Variants in RICTOR observed in about 807,000 individuals in gnomAD.
RICTOR encodes RPTOR independent companion of MTOR complex 2.
RICTOR carries 49 observed loss-of-function variants against 214.9 expected under a neutral mutation model. That is an observed-to-expected ratio of 0.23 (90% CI 0.18 to 0.29). The LOEUF is 0.29. RICTOR is among the 10% of genes least tolerant of loss of function. The pLI is 1.00. For missense variants in RICTOR, 1,625 were observed against 2,047.0 expected, an observed-to-expected ratio of 0.79 and a Z score of 3.98; for synonymous variants, 717 against 711.3, an observed-to-expected ratio of 1.01 and a Z score of -0.13.
At chr5:39,003,431 G>A in intron 4 of RICTOR, 127 bp downstream of exon 4, 1 of 595,264 alleles carries the variant, frequency 1.7e-6, no homozygotes, top group Non-Finnish European at 2.9e-6. Context: ...TTTTTCTAAT[G>A]TTCAAGCAAC....
chr5:38,949,740 T>C lies in RICTOR; in HGVS notation c.4108A>G (p.Ser1370Gly), dbSNP rs1256771868. The change falls in exon 31 of 38, where the codon AGT becomes GGT. Residue 1370 changes from serine to glycine, a missense_variant. Ser to Gly is a moderately conservative substitution (Grantham distance 56). Transcript: ENST00000357387. ...FTDTITMKAN[S>G]FESRLTPSRF... Reference sequence around the variant, plus strand: ...CTTGGTGTTAATCTGGACTCAAAACTGTTGGCCTTCATGGTGATGGTATCA... The same window carrying C: ...CTTGGTGTTAATCTGGACTCAAAACCGTTGGCCTTCATGGTGATGGTATCA... 2 of 1,613,166 alleles carry C rather than the reference T, an allele frequency of 1.2e-6. No homozygotes were observed. The highest frequency in any genetic ancestry group is 3.3e-5 in the Admixed American group (2 of 59,914).
intron 2 of RICTOR, among the ~76,000 whole-genome samples, chr5:39,038,122 T>C (rs1020582217): frequency 3.3e-5 from 5 of 152,156 alleles, no homozygotes; most frequent in Admixed American, 2.0e-4. Context: ...TTATCCACCA[T>C]GATCAAGTGG....
At chr5:38,987,379 T>G (rs1057021918) in intron 7 of RICTOR, among the ~76,000 whole-genome samples, 3 of 152,196 alleles carry the variant, frequency 2.0e-5, no homozygotes, top group Non-Finnish European at 4.4e-5. Flanking sequence ...GGTAGACTAT[T>G]AATTACTGCC....
At chr5:38,982,439 C>T (rs1561490152) in intron 7 of RICTOR, among the ~76,000 whole-genome samples, 1 of 152,130 alleles carries the variant, frequency 6.6e-6, no homozygotes, top group African/African-American at 2.4e-5. Flanking sequence ...ATAGAACACA[C>T]AGTTTAATAA....
At chr5:39,069,014 A>G (rs6893899) in intron 2 of RICTOR, among the ~76,000 whole-genome samples, 3,500 of 152,330 alleles carry the variant, frequency 0.023, 137 homozygotes, top group African/African-American at 0.08. Context: ...AACAGAGACA[A>G]TAAGTGTAGC....
Position 38,962,535 on chromosome 5 carries a change from G to A in RICTOR, c.1618C>T (p.His540Tyr), listed in dbSNP as rs753508286. The A allele has an allele frequency of 6.3e-7, 1 of 1,586,110 alleles. No individual in the cohort carries two copies. The highest frequency in any genetic ancestry group is 1.2e-5 in the South Asian group (1 of 86,158). ...CAATTCCATTCAAGATTCTCTTTATGTTGAAGGACTTGGCTATCTCTAAGG... is the reference window on the plus strand; with the variant it reads ...CAATTCCATTCAAGATTCTCTTTATATTGAAGGACTTGGCTATCTCTAAGG... ...INLRDSQVLQ[H>Y]KENLEWNWNL... The change falls in exon 18 of 38, where the codon CAT (histidine) becomes TAT (tyrosine). Residue 540 changes from histidine to tyrosine, a missense_variant. By Grantham distance (83) the His-to-Tyr change is moderately conservative (BLOSUM62 2). Transcript: ENST00000357387.
chr5:38,945,288 G>A lies in RICTOR; in HGVS notation c.4633+203C>T. Reference sequence around the variant, plus strand: ...TCACAGTGGAAAAGACCTAATCCAGGGATCTGTCAGACTCAGGCCCCACTG... The same window carrying A: ...TCACAGTGGAAAAGACCTAATCCAGAGATCTGTCAGACTCAGGCCCCACTG... On this transcript the variant is annotated intron_variant, in intron 34 of 37. Coordinates refer to ENST00000357387, the MANE Select transcript of RICTOR (RefSeq NM_152756.5). The A allele has an allele frequency of 4.9e-6, 3 of 607,088 alleles. No homozygotes were observed. In the South Asian group the frequency reaches 6.3e-5, roughly 13 times the overall value. The allele number at this position is 607,088 out of a possible 1,614,324, so 37.6% of individuals were successfully genotyped here. A position where few individuals can be genotyped will look rare whatever the true frequency, so the allele number is the denominator to read the frequency against.
intron 34 of RICTOR, 53 bp from the exon 35 acceptor site, chr5:38,945,121 G>A: frequency 8.2e-7 from 1 of 1,219,448 alleles, no homozygotes; most frequent in Non-Finnish European, 1.2e-6. Context: ...CTTAATTCCT[G>A]TGCTTACATT....
Position 38,945,561 on chromosome 5 carries a change from A to C in RICTOR, c.4563T>G (p.Leu1521=), listed in dbSNP as rs1188241926. 6.2e-7 allele frequency: 1 copy of C among 1,614,020 alleles called. No individual in the cohort carries two copies. Among genetic ancestry groups the C allele is most frequent in the Non-Finnish European group, 8.5e-7 (1 of 1,179,992 alleles). The change falls in exon 34 of 38, where the codon CTT becomes CTG. Residue 1521 remains leucine (L), a synonymous_variant. Coordinates refer to ENST00000357387, the MANE Select transcript of RICTOR (RefSeq NM_152756.5). ...GLQEHTDDNC[L]YCVCIEILGF... The stretch of plus-strand genomic sequence containing the variant: ...CCAGAATTTCAATACAGACACAATA[A>C]AGGCAGTTATCATCTGTATGTTCCT...
chr5:39,009,510 C>T (rs893385819), intron 3 of RICTOR, among the ~76,000 whole-genome samples: 1 of 151,908 alleles, frequency 6.6e-6, no homozygotes. Flanking sequence ...TCATAAATAA[C>T]TAAAAAGAAC....
intron 16 of RICTOR, among the ~76,000 whole-genome samples, chr5:38,964,026 T>C (rs1750011790): frequency 6.6e-6 from 1 of 151,858 alleles, no homozygotes; most frequent in South Asian, 2.1e-4. Context: ...AAATGTACTA[T>C]AACTCTTAAC....
rs147902650 is a variant in RICTOR, at chr5:38,966,245, C to T, written c.1299+396G>A. 3.2e-3 allele frequency among the ~76,000 whole-genome samples: 486 copies of T among 152,320 alleles called. 6 individuals carry two copies. The highest frequency in any genetic ancestry group is 0.011 in the African/African-American group (469 of 41,568). Reference sequence around the variant, plus strand: ...CTTTCTAAAATTCAGGCACTGACTACCATGTATCAAGTACATTCTTAGCAG... The same window carrying T: ...CTTTCTAAAATTCAGGCACTGACTATCATGTATCAAGTACATTCTTAGCAG... On this transcript the variant is annotated intron_variant, in intron 15 of 37. Coordinates refer to ENST00000357387, the MANE Select transcript of RICTOR (RefSeq NM_152756.5).
chr5:38,960,547 A>C lies in RICTOR; in HGVS notation c.1716-14T>G, dbSNP rs1579920772. On this transcript the variant is annotated splice_polypyrimidine_tract_variant and intron_variant, in intron 19 of 37. Coordinates refer to ENST00000357387, the MANE Select transcript of RICTOR (RefSeq NM_152756.5). ...CTTCGTACAAACCTAAAATCAAAAC[A>C]CAAGTAGCAAAAAGGTAAGAAATGA... The C allele has an allele frequency of 1.9e-6, 3 of 1,610,482 alleles. No homozygotes were observed. Among genetic ancestry groups the C allele is most frequent in the Non-Finnish European group, 2.5e-6 (3 of 1,177,680 alleles).
At chr5:39,058,883 T>G (rs1758362537) in intron 2 of RICTOR, among the ~76,000 whole-genome samples, 1 of 152,158 alleles carries the variant, frequency 6.6e-6, no homozygotes, top group African/African-American at 2.4e-5. Flanking sequence ...AATAATTTGA[T>G]TATTTTTCAT....
At chr5:38,974,213 C>A (rs1321720293) in intron 10 of RICTOR, among the ~76,000 whole-genome samples, 1 of 151,746 alleles carries the variant, frequency 6.6e-6, no homozygotes, top group Admixed American at 6.6e-5. Flanking sequence ...CCACACCTGG[C>A]TAATTTTTGT....
At position 38,944,051 on chromosome 5, in the gene RICTOR, T is replaced by A. The variant is rs1747903935; in HGVS notation, c.4913+395A>T. On this transcript the variant is annotated intron_variant, in intron 36 of 37. Coordinates refer to ENST00000357387, the MANE Select transcript of RICTOR (RefSeq NM_152756.5). ...TTACAGCCACCATTAACTACTATAT[T>A]AGAAATTAAAATTGAGAGAATTTCC... The A allele has an allele frequency of 1.2e-5, 4 of 346,066 alleles. No homozygotes were observed. In the Admixed American group the frequency reaches 1.6e-4, roughly 14 times the overall value. The allele number at this position is 346,066 out of a possible 1,614,324, so 21.4% of individuals were successfully genotyped here. A position where few individuals can be genotyped will look rare whatever the true frequency, so the allele number is the denominator to read the frequency against.
Position 38,964,785 on chromosome 5 carries a change from T to C in RICTOR, c.1400+7A>G. 6.8e-7 allele frequency: 1 copy of C among 1,464,190 alleles called. No individual in the cohort carries two copies. 90.7% of individuals were successfully genotyped at this position (1,464,190 alleles called of 1,614,324 possible). A position where few individuals can be genotyped will look rare whatever the true frequency, so the allele number is the denominator to read the frequency against. ...AACAAAAGCTTTGCTAAAGCTCTGA[T>C]ACTTACAGTCTCTTTTCCTTGGGGA... is the stretch of plus-strand genomic sequence containing the variant. On this transcript the variant is annotated splice_region_variant and intron_variant, in intron 16 of 37. Coordinates refer to ENST00000357387, the MANE Select transcript of RICTOR (RefSeq NM_152756.5).
intron 2 of RICTOR, among the ~76,000 whole-genome samples, chr5:39,033,645 C>A (rs1756432402): frequency 6.6e-6 from 1 of 151,996 alleles, no homozygotes; most frequent in African/African-American, 2.4e-5. Context: ...AAATTGTCTT[C>A]CCTAAAGATG....
At chr5:39,011,566 A>C (rs2150121523) in intron 3 of RICTOR, among the ~76,000 whole-genome samples, 1 of 152,290 alleles carries the variant, frequency 6.6e-6, no homozygotes, top group South Asian at 2.1e-4. Context: ...CCAGCCCATG[A>C]AAGCAGTCAG....
Sources: gnomAD v4.1 joint callset for allele counts (sites outside exome capture counted in the v4.1 genomes callset) on GRCh38, gnomAD v4.1.1 for gene constraint, MANE v1.5 for transcripts, NCBI Gene and HGNC (gene_info 2026-07-23, HGNC 2026-07-21) for gene names.